The following PLPP1 variants were observed in gnomAD, a reference collection of about 807,000 sequenced individuals.
PLPP1 encodes phospholipid phosphatase 1.
A neutral mutation model predicts 31.2 loss-of-function variants in PLPP1; 24 were observed. That is an observed-to-expected ratio of 0.77 (90% confidence interval 0.56 to 1.08). The LOEUF is 1.08. PLPP1 is among the 50% of genes least tolerant of loss of function. The probability of loss-of-function intolerance (pLI) is 0.00; values close to 1 mark genes in which losing one functional copy is unlikely to be tolerated. For missense variants in PLPP1, 319 were observed against 342.7 expected (o/e 0.93, Z 0.55); for synonymous variants, 146 against 126.3 (o/e 1.16, Z -1.05).
At chr5:55,469,885 G>A (rs1752382482) in intron 2 of PLPP1, among the ~76,000 whole-genome samples, 1 of 152,164 alleles carries the variant, frequency 6.6e-6, no homozygotes, top group African/African-American at 2.4e-5. Context: ...TTGTTGAACA[G>A]AAAACCTCAT....
intron 1 of PLPP1, among the ~76,000 whole-genome samples, chr5:55,488,405 G>C (rs1055161515): frequency 2.0e-5 from 3 of 151,984 alleles, no homozygotes; most frequent in Non-Finnish European, 4.4e-5. Flanking sequence ...CAGCACTTTG[G>C]GAGGCCGAGG....
chr5:55,534,899 C>T lies in PLPP1; in HGVS notation c.-270G>A, dbSNP rs1413193165. The T allele has an allele frequency of 4.3e-6, 2 of 463,872 alleles. No individual in the cohort carries two copies. The highest frequency in any genetic ancestry group is 7.6e-6 in the Non-Finnish European group (2 of 262,406). The allele number at this position is 463,872 out of a possible 1,614,324, so 28.7% of individuals were successfully genotyped here. ...GCCAGCCGCGGCAGCTCTGTAGCCT[C>T]AGGACCTCCTCAGCCGGCACGGCCT... On this transcript the variant is annotated 5_prime_UTR_variant, in exon 1 of 6. Transcript: ENST00000307259.
chr5:55,509,208 G>C (rs1469459780), intron 1 of PLPP1, among the ~76,000 whole-genome samples: 1 of 152,190 alleles, frequency 6.6e-6, no homozygotes, highest in Non-Finnish European at 1.5e-5. Context: ...ATCAACACTG[G>C]TTCTTGAGCA....
chr5:55,477,938 C>T (rs1426977390), intron 1 of PLPP1, among the ~76,000 whole-genome samples: 1 of 151,028 alleles, frequency 6.6e-6, no homozygotes, highest in East Asian at 1.9e-4. Context: ...CGAGATTGTG[C>T]CATGGCACTC....
At chr5:55,519,767 G>T (rs533393019) in intron 1 of PLPP1, among the ~76,000 whole-genome samples, 3 of 149,950 alleles carry the variant, frequency 2.0e-5, no homozygotes, top group Non-Finnish European at 4.4e-5. Context: ...AAAAGAAAAA[G>T]AAAAAAGTAT....
At chr5:55,534,382 G>A (rs547105006) in intron 1 of PLPP1, among the ~76,000 whole-genome samples, 190 bp downstream of exon 1, 1 of 152,354 alleles carries the variant, frequency 6.6e-6, no homozygotes, top group East Asian at 1.9e-4. Context: ...GCGACAGACA[G>A]CGGCGGGCAC....
At chr5:55,505,274 T>A (rs573314021) in intron 1 of PLPP1, among the ~76,000 whole-genome samples, 1 of 152,268 alleles carries the variant, frequency 6.6e-6, no homozygotes, top group Admixed American at 6.5e-5. Context: ...TTATTGGCAA[T>A]TGTGTATTTC....
chr5:55,497,467 G>C (rs1301315252), intron 1 of PLPP1, among the ~76,000 whole-genome samples: 2 of 146,436 alleles, frequency 1.4e-5, no homozygotes, highest in Non-Finnish European at 3.0e-5. Flanking sequence ...TTCCTAGGCT[G>C]GTCTCAAACT....
chr5:55,532,548 G>T (rs1740708213), intron 1 of PLPP1, among the ~76,000 whole-genome samples: 1 of 152,058 alleles, frequency 6.6e-6, no homozygotes, highest in Non-Finnish European at 1.5e-5. Context: ...TCAAGTATAA[G>T]TTAAAATATA....
intron 3 of PLPP1, among the ~76,000 whole-genome samples, chr5:55,450,891 T>G (rs1268652010): frequency 1.3e-5 from 2 of 152,182 alleles, no homozygotes; most frequent in East Asian, 3.9e-4. Flanking sequence ...GGTAAATTCT[T>G]TCAGAATAAT....
intron 1 of PLPP1, among the ~76,000 whole-genome samples, chr5:55,492,377 T>C (rs1349164547): frequency 6.6e-6 from 1 of 152,140 alleles, no homozygotes; most frequent in African/African-American, 2.4e-5. Context: ...CACAACTCTT[T>C]TATTGCATGT....
intron 1 of PLPP1, among the ~76,000 whole-genome samples, chr5:55,496,047 G>C (rs1752997148): frequency 6.6e-6 from 1 of 151,974 alleles, no homozygotes; most frequent in Admixed American, 6.6e-5. Context: ...CAGTAAAGAC[G>C]GGTTTTCACC....
At chr5:55,508,705 C>G (rs1159648179) in intron 1 of PLPP1, 2 of 153,420 alleles carry the variant, frequency 1.3e-5, no homozygotes, top group Admixed American at 1.3e-4. Flanking sequence ...GAGCTGGGTT[C>G]TGCTTCAAAC....
chr5:55,427,681 A>ATTAT (rs1407410019), intron 4 of PLPP1, among the ~76,000 whole-genome samples: 1 of 150,894 alleles, frequency 6.6e-6, no homozygotes, highest in Non-Finnish European at 1.5e-5. Flanking sequence ...CATATTGAAT[A>ATTAT]TTATTTTCTC....
At chr5:55,512,612 C>G (rs187909604) in intron 1 of PLPP1, among the ~76,000 whole-genome samples, 60 of 151,944 alleles carry the variant, frequency 3.9e-4, no homozygotes, top group African/African-American at 1.3e-3. Flanking sequence ...TATTCCATAT[C>G]ATCCAAGGTT....
intron 1 of PLPP1, among the ~76,000 whole-genome samples, chr5:55,506,185 T>C (rs1290635857): frequency 2.0e-5 from 3 of 152,184 alleles, no homozygotes; most frequent in Admixed American, 6.5e-5. Flanking sequence ...CAAATGCCTT[T>C]TTTTAAACAG....
intron 1 of PLPP1, among the ~76,000 whole-genome samples, chr5:55,512,684 T>C (rs927338050): frequency 6.6e-6 from 1 of 152,034 alleles, no homozygotes; most frequent in East Asian, 1.9e-4. Flanking sequence ...TGAAATACTA[T>C]GTATTTCCAA....
chr5:55,440,530 G>A (rs931345664), intron 4 of PLPP1, among the ~76,000 whole-genome samples: 19 of 152,138 alleles, frequency 1.2e-4, no homozygotes, highest in African/African-American at 3.6e-4. Flanking sequence ...TTTCCATGCT[G>A]CATCTGCAGA....
chr5:55,444,743 T>TGTG (rs368045819), intron 3 of PLPP1, among the ~76,000 whole-genome samples: 7,572 of 137,334 alleles, frequency 0.055, 422 homozygotes, highest in Admixed American at 0.12. Flanking sequence ...GGATTCTATT[T>TGTG]TGTGTGTGTG....
Sources: allele counts gnomAD v4.1 joint callset (sites outside exome capture counted in the v4.1 genomes callset), GRCh38; gene constraint gnomAD v4.1.1; transcripts MANE v1.5; gene names NCBI Gene and HGNC (gene_info 2026-07-23, HGNC 2026-07-21).